The following GPR89B variants were observed in gnomAD, a reference collection of about 807,000 sequenced individuals.
The protein encoded by GPR89B is golgi pH regulator B, also known as G protein-coupled receptor 89B.
In GPR89B, 25 loss-of-function variants were observed where a neutral mutation model predicts 52.4. The observed-to-expected ratio is 0.48, with a 90% CI of 0.35 to 0.67. GPR89B has a LOEUF of 0.67. Among genes scored for constraint, GPR89B ranks in the 30% least tolerant of loss-of-function variants. The probability of loss-of-function intolerance (pLI) is 0.01; values close to 1 mark genes in which losing one functional copy is unlikely to be tolerated. For missense variants in GPR89B, 146 were observed against 450.2 expected (o/e 0.32, Z 6.11); for synonymous variants, 52 against 151.2 (o/e 0.34, Z 4.81).
chr1:147,968,845 A>G, intron 8 of GPR89B, 30 bp from the exon 9 acceptor site: 3 of 1,613,404 alleles, frequency 1.9e-6, no homozygotes, highest in South Asian at 2.2e-5. Flanking sequence ...TTCCTATGTG[A>G]TTAAAACCTT....
the GPR89B span, among the ~76,000 whole-genome samples, chr1:148,018,668 A>G: frequency 2.6e-5 from 4 of 151,518 alleles, no homozygotes; most frequent in Non-Finnish European, 4.4e-5. Context: ...CATTATTATT[A>G]TTATTATTAT....
intron 7 of GPR89B, among the ~76,000 whole-genome samples, chr1:147,962,749 T>C (rs1656692875): frequency 6.6e-6 from 1 of 151,464 alleles, no homozygotes; most frequent in Non-Finnish European, 1.5e-5. Flanking sequence ...ATACAAAAAA[T>C]TAGCCCGGTG....
chr1:148,014,087 G>A, the GPR89B span, among the ~76,000 whole-genome samples: 1 of 151,190 alleles, frequency 6.6e-6, no homozygotes, highest in East Asian at 1.9e-4. Context: ...CAGGCCTTGT[G>A]GCCTTTCTCC....
chr1:147,930,650 A>T (rs1653507390), intron 1 of GPR89B, among the ~76,000 whole-genome samples: 1 of 152,004 alleles, frequency 6.6e-6, no homozygotes. Flanking sequence ...GTATTAACTG[A>T]AAGGTTTATT....
the GPR89B span, among the ~76,000 whole-genome samples, chr1:148,016,766 C>A: frequency 7.3e-5 from 11 of 151,548 alleles, no homozygotes; most frequent in African/African-American, 2.7e-4. Flanking sequence ...GCTTCCTTTC[C>A]TCCCCGCTCC....
At chr1:147,932,818 C>G (rs1653759329) in intron 1 of GPR89B, among the ~76,000 whole-genome samples, 1 of 152,012 alleles carries the variant, frequency 6.6e-6, no homozygotes, top group Non-Finnish European at 1.5e-5. Flanking sequence ...GTTAAAAGCA[C>G]AGAATTTCTA....
the GPR89B span, among the ~76,000 whole-genome samples, chr1:148,019,921 C>A: frequency 2.6e-5 from 4 of 151,458 alleles, no homozygotes; most frequent in Admixed American, 6.6e-5. Context: ...AAGATCTGAT[C>A]CCTGGTGTTT....
the GPR89B span, among the ~76,000 whole-genome samples, chr1:148,004,886 AACAC>A: frequency 0.14 from 15,922 of 111,398 alleles, 1,668 homozygotes; most frequent in East Asian, 0.48. Context: ...ATCTCTACAA[AACAC>A]ACACACACAC....
intron 5 of GPR89B, among the ~76,000 whole-genome samples, chr1:147,949,413 G>T (rs1359715471): frequency 9.7e-6 from 1 of 103,524 alleles, no homozygotes; most frequent in East Asian, 3.1e-4. Flanking sequence ...CTCCCTCCCG[G>T]ACGGGGCGGC....
intron 5 of GPR89B, among the ~76,000 whole-genome samples, chr1:147,952,994 TTAG>T (rs1655840021): frequency 6.6e-6 from 1 of 151,130 alleles, no homozygotes; most frequent in Admixed American, 6.6e-5. Context: ...ATTTACTTTC[TTAG>T]TTTTTTTTTT....
chr1:147,999,797 A>G, the GPR89B span, among the ~76,000 whole-genome samples: 1 of 151,782 alleles, frequency 6.6e-6, no homozygotes, highest in Non-Finnish European at 1.5e-5. Flanking sequence ...CAAATAGAAC[A>G]TTTAGATGTG....
chr1:147,990,362 A>G lies in GPR89B; in HGVS notation c.1095+1841A>G, dbSNP rs1480468140. On this transcript the variant is annotated intron_variant, in intron 12 of 13. Transcript: ENST00000314163. ...TCTGGATATTAGCCCTTTGTCAGAT[A>G]AGTAGATTGCAAAAATTTTCTCCCA... is the stretch of plus-strand genomic sequence containing the variant. Among the ~76,000 whole-genome samples the G allele has an allele frequency of 8.8e-3, 1,333 of 152,110 alleles. 22 individuals are homozygous for G. Among genetic ancestry groups the G allele is most frequent in the African/African-American group, 0.03 (1,265 of 41,494 alleles).
chr1:147,952,321 G>A (rs1210467134), intron 5 of GPR89B, among the ~76,000 whole-genome samples: 12 of 151,776 alleles, frequency 7.9e-5, no homozygotes, highest in Non-Finnish European at 1.0e-4. Context: ...TAGGATTAGC[G>A]CTTCAGAAGG....
chr1:147,929,680 T>G lies in GPR89B; in HGVS notation c.42+1102T>G, dbSNP rs189875164. Among the ~76,000 whole-genome samples the G allele has an allele frequency of 3.9e-5, 6 of 152,306 alleles. No homozygotes were observed. In the East Asian group the frequency reaches 1.2e-3, roughly 29 times the overall value. ...TTGTATTGCTTCATCCTAATACTCG[T>G]CTCCGTAGAGCGGAGCATTGTCCTT... On this transcript the variant is annotated intron_variant, in intron 1 of 13. Transcript: ENST00000314163.
chr1:147,963,100 C>T (rs1185851952), intron 7 of GPR89B, among the ~76,000 whole-genome samples: 5 of 146,578 alleles, frequency 3.4e-5, no homozygotes, highest in African/African-American at 1.0e-4. Flanking sequence ...TGTTAAGGCC[C>T]GGTGCGGTGG....
At chr1:147,968,168 G>A in intron 8 of GPR89B, 1 of 421,440 alleles carries the variant, frequency 2.4e-6, no homozygotes, top group South Asian at 1.7e-5. Context: ...TAACCTCCCT[G>A]AGCCCCTGTT....
chr1:147,940,131 C>T lies in GPR89B; in HGVS notation c.206+1314C>T, dbSNP rs587701121. ...TAATAATCCAAACCTTGGCCGGGCG[C>T]GGTGGCTCACGCCTGTAATCCCAGC... On this transcript the variant is annotated intron_variant, in intron 3 of 13. Transcript: ENST00000314163. 2.4e-4 allele frequency among the ~76,000 whole-genome samples: 36 copies of T among 151,682 alleles called. 2 individuals carry two copies. Among genetic ancestry groups the T allele is most frequent in the South Asian group, 6.2e-4 (3 of 4,802 alleles).
intron 7 of GPR89B, among the ~76,000 whole-genome samples, chr1:147,955,534 G>C (rs1439483049): frequency 2.0e-5 from 3 of 151,912 alleles, no homozygotes; most frequent in African/African-American, 7.3e-5. Flanking sequence ...CAATGTAATA[G>C]GGTTTCCTTT....
At chr1:147,992,397 G>C (rs1221144633) in intron 12 of GPR89B, 105 bp from the exon 13 acceptor site, 1 of 826,590 alleles carries the variant, frequency 1.2e-6, no homozygotes, top group Non-Finnish European at 2.1e-6. Flanking sequence ...ACAGGATTGT[G>C]GCATGGAAGA....
Sources: allele counts gnomAD v4.1 joint callset (sites outside exome capture counted in the v4.1 genomes callset), GRCh38; gene constraint gnomAD v4.1.1; transcripts MANE v1.5; gene names NCBI Gene and HGNC (gene_info 2026-07-23, HGNC 2026-07-21).